Variants in MICU2 observed in about 807,000 individuals in gnomAD.
MICU2 encodes the protein mitochondrial calcium uptake 2, also known as calcium uptake protein 2, mitochondrial.
Under a neutral mutation model 60.4 loss-of-function variants are expected in MICU2, and 64 were observed. That is an observed-to-expected ratio of 1.06 (90% CI 0.87 to 1.31). The LOEUF (loss-of-function observed/expected upper bound fraction) is 1.31. Ranked by LOEUF, MICU2 falls within the 50% of genes most tolerant of loss-of-function variation. MICU2 has a pLI of 0.00. For missense variants in MICU2, 569 were observed against 531.0 expected, an observed-to-expected ratio of 1.07 and a Z score of -0.70; for synonymous variants, 201 against 175.0, an observed-to-expected ratio of 1.15 and a Z score of -1.17.
At chr13:21,499,988 C>A (rs1256224877) in intron 9 of MICU2, among the ~76,000 whole-genome samples, 1 of 152,176 alleles carries the variant, frequency 6.6e-6, no homozygotes, top group Non-Finnish European at 1.5e-5. Flanking sequence ...GACAGCTTTG[C>A]TTACTGTCCA....
At chr13:21,544,427 G>A (rs1017999468) in intron 2 of MICU2, among the ~76,000 whole-genome samples, 1 of 132,386 alleles carries the variant, frequency 7.6e-6, no homozygotes, top group Non-Finnish European at 1.6e-5. Context: ...AATATCAACA[G>A]CAAAAAATAA....
chr13:21,599,699 G>C (rs534970887), intron 1 of MICU2, among the ~76,000 whole-genome samples: 2 of 152,270 alleles, frequency 1.3e-5, no homozygotes, highest in South Asian at 2.1e-4. Flanking sequence ...CTGAATTATT[G>C]CAACAGCTCC....
intron 1 of MICU2, among the ~76,000 whole-genome samples, chr13:21,602,969 C>CTT (rs11291826): frequency 7.4e-6 from 1 of 134,576 alleles, no homozygotes; most frequent in Non-Finnish European, 1.7e-5. Flanking sequence ...GAACTTGAAT[C>CTT]TTTTTTTTTT....
chr13:21,541,993 A>T (rs1887294353), intron 2 of MICU2, among the ~76,000 whole-genome samples: 1 of 152,120 alleles, frequency 6.6e-6, no homozygotes, highest in Admixed American at 6.5e-5. Flanking sequence ...TTTTTGATTA[A>T]AAGTTTAGAA....
intron 1 of MICU2, among the ~76,000 whole-genome samples, chr13:21,579,343 CTTT>C (rs11372645): frequency 1.4e-5 from 2 of 141,408 alleles, no homozygotes; most frequent in East Asian, 4.1e-4. Flanking sequence ...AAAGCTCTGC[CTTT>C]TTTTTTTTTT....
intron 4 of MICU2, among the ~76,000 whole-genome samples, chr13:21,534,142 G>A (rs1196286181): frequency 6.7e-6 from 1 of 149,928 alleles, no homozygotes; most frequent in Admixed American, 6.7e-5. Context: ...CTACAAAATG[G>A]ATCTAATTTT....
rs1410419969 is a variant in MICU2, at chr13:21,566,721, TATCA to T, written c.358+72_358+75del. 3 of 1,230,270 alleles carry T rather than the reference TATCA, an allele frequency of 2.4e-6. No individual in the cohort carries two copies. The East Asian group carries it at 7.6e-5, about 31-fold the overall frequency. The allele number at this position is 1,230,270 out of a possible 1,614,324, so 76.2% of individuals were successfully genotyped here. On this transcript the variant is annotated intron_variant, in intron 2 of 11. Transcript: ENST00000382374. Reference sequence around the variant, plus strand: ...GATAATTAAAATGAAGAAAAGCTGTTATCAATCCTGAAAAACAGGTTTTTCAGCC... The same window carrying T: ...GATAATTAAAATGAAGAAAAGCTGTTATCCTGAAAAACAGGTTTTTCAGCC...
intron 1 of MICU2, among the ~76,000 whole-genome samples, chr13:21,574,616 C>T (rs186571575): frequency 2.0e-5 from 3 of 152,340 alleles, no homozygotes; most frequent in Non-Finnish European, 4.4e-5. Context: ...ATTCTTTGGT[C>T]TCCACATTTC....
At chr13:21,570,372 A>C (rs1263109225) in intron 1 of MICU2, among the ~76,000 whole-genome samples, 2 of 152,166 alleles carry the variant, frequency 1.3e-5, no homozygotes, top group Non-Finnish European at 2.9e-5. Context: ...TATTTCATAG[A>C]ATTTGGAAGA....
intron 11 of MICU2, 116 bp downstream of exon 11, chr13:21,495,045 T>C (rs1885958033): frequency 4.6e-6 from 3 of 648,088 alleles, no homozygotes; most frequent in Non-Finnish European, 7.3e-6. Context: ...TTACAGCTTA[T>C]AGTCTTTTTA....
At chr13:21,584,534 G>C (rs1386529447) in intron 1 of MICU2, among the ~76,000 whole-genome samples, 1 of 152,064 alleles carries the variant, frequency 6.6e-6, no homozygotes, top group Non-Finnish European at 1.5e-5. Context: ...ATAAATTTCA[G>C]ATTTTATAAC....
chr13:21,524,638 T>C (rs1300815963), intron 4 of MICU2, among the ~76,000 whole-genome samples: 1 of 152,198 alleles, frequency 6.6e-6, no homozygotes, highest in Non-Finnish European at 1.5e-5. Flanking sequence ...AAACATAACA[T>C]ACAATTTACC....
At chr13:21,500,896 G>C (rs1319397656) in intron 9 of MICU2, among the ~76,000 whole-genome samples, 1 of 152,064 alleles carries the variant, frequency 6.6e-6, no homozygotes, top group Admixed American at 6.6e-5. Context: ...TTCTTTGAAA[G>C]GTTTTGGGTT....
chr13:21,581,087 G>C (rs1247988701), intron 1 of MICU2, among the ~76,000 whole-genome samples: 2 of 152,204 alleles, frequency 1.3e-5, no homozygotes, highest in African/African-American at 4.8e-5. Context: ...AAGCAGTGAA[G>C]TGGAAAATAA....
At chr13:21,514,822 G>C (rs1228568715) in intron 6 of MICU2, among the ~76,000 whole-genome samples, 7 of 151,776 alleles carry the variant, frequency 4.6e-5, no homozygotes, top group Non-Finnish European at 8.8e-5. Flanking sequence ...TTACAGGTGT[G>C]AGCCACCACC....
At chr13:21,537,618 C>T (rs188727008) in intron 4 of MICU2, among the ~76,000 whole-genome samples, 2 of 151,912 alleles carry the variant, frequency 1.3e-5, no homozygotes, top group African/African-American at 2.4e-5. Flanking sequence ...TACAGGCACC[C>T]GCCACCATGC....
At chr13:21,531,340 A>T in intron 4 of MICU2, 2 of 1,495,238 alleles carry the variant, frequency 1.3e-6, no homozygotes, top group Non-Finnish European at 1.8e-6. Context: ...CAACCCGAAA[A>T]ACTTGATGGA....
Position 21,493,267 on chromosome 13 carries a change from A to G in MICU2, c.1287T>C (p.Ala429=), listed in dbSNP as rs780716653. ...IKGVKEVWKQ[A]GKGLF ...TCTTTTATTAAAAAAGACCTTTTCC[A>G]GCTTGTTTCCAGACTTCTTTTACTC... is the stretch of plus-strand genomic sequence containing the variant. The change falls in exon 12 of 12, where the codon GCT becomes GCC. Residue 429 remains alanine (A), a synonymous_variant. Coordinates refer to ENST00000382374, the MANE Select transcript of MICU2 (RefSeq NM_152726.3). 6.8e-6 allele frequency: 11 copies of G among 1,606,044 alleles called. No homozygotes were observed. In the Admixed American group the frequency reaches 8.5e-5, roughly 12 times the overall value.
intron 9 of MICU2, 69 bp downstream of exon 9, chr13:21,502,857 T>TTA: frequency 7.0e-7 from 1 of 1,438,336 alleles, no homozygotes; most frequent in Non-Finnish European, 9.5e-7. Flanking sequence ...ATTCAGAAGT[T>TTA]ACTTTATGTA....
Sources: allele counts gnomAD v4.1 joint callset (sites outside exome capture counted in the v4.1 genomes callset), GRCh38; gene constraint gnomAD v4.1.1; transcripts MANE v1.5; gene names NCBI Gene and HGNC (gene_info 2026-07-23, HGNC 2026-07-21).